The following TENM4 variants were observed in gnomAD, a reference collection of about 807,000 sequenced individuals.
TENM4 encodes teneurin-4.
Under a neutral mutation model 243.3 loss-of-function variants are expected in TENM4, and 82 were observed. The ratio of observed to expected loss-of-function variants is 0.34; its 90% confidence interval spans 0.28 to 0.40. The LOEUF is 0.40. Among genes scored for constraint, TENM4 ranks in the 10% least tolerant of loss-of-function variants. TENM4 has a pLI of 1.00. For synonymous variants in TENM4, 1,412 were observed against 1,456.3 expected, an observed-to-expected ratio of 0.97 and a Z score of 0.69; for missense variants, 3,138 against 3,673.3, an observed-to-expected ratio of 0.85 and a Z score of 3.77.
chr11:79,253,623 C>T (rs1461996189), intron 2 of TENM4, among the ~76,000 whole-genome samples: 1 of 152,186 alleles, frequency 6.6e-6, no homozygotes, highest in Non-Finnish European at 1.5e-5. Flanking sequence ...ACAGCTTCTC[C>T]TCTGAACCGA....
chr11:79,189,525 C>T (rs1863438684), intron 3 of TENM4, among the ~76,000 whole-genome samples: 1 of 152,216 alleles, frequency 6.6e-6, no homozygotes, highest in South Asian at 2.1e-4. Context: ...GCAAATGAAT[C>T]AAACATACCT....
intron 19 of TENM4, among the ~76,000 whole-genome samples, chr11:78,752,948 G>A (rs1375360017): frequency 6.6e-6 from 1 of 152,082 alleles, no homozygotes; most frequent in Non-Finnish European, 1.5e-5. Flanking sequence ...GTTTTTGTGT[G>A]GCAGGTACTA....
At chr11:79,079,930 CA>C (rs1213396183) in intron 4 of TENM4, among the ~76,000 whole-genome samples, 1 of 152,128 alleles carries the variant, frequency 6.6e-6, no homozygotes, top group African/African-American at 2.4e-5. Context: ...AAACCCTCCT[CA>C]GTCCCATCCC....
chr11:78,985,142 G>C (rs1857889359), intron 6 of TENM4, among the ~76,000 whole-genome samples: 1 of 152,190 alleles, frequency 6.6e-6, no homozygotes, highest in African/African-American at 2.4e-5. Flanking sequence ...TACATGCCAA[G>C]TGCTTAAGAC....
chr11:78,978,134 A>G (rs1200776669), intron 6 of TENM4, among the ~76,000 whole-genome samples: 2 of 152,108 alleles, frequency 1.3e-5, no homozygotes, highest in Non-Finnish European at 1.5e-5. Flanking sequence ...ATTCTCACTC[A>G]TAAGTGGGGG....
chr11:79,097,198 A>T (rs958749307), intron 4 of TENM4: 2 of 152,156 alleles, frequency 1.3e-5, no homozygotes, highest in African/African-American at 4.8e-5. Context: ...CAGGTCTAAG[A>T]ACTCTGGTAC....
At chr11:79,423,623 C>T (rs148860904) in intron 1 of TENM4, among the ~76,000 whole-genome samples, 219 of 136,168 alleles carry the variant, frequency 1.6e-3, no homozygotes, top group African/African-American at 5.5e-3. Context: ...ACGGGTCATT[C>T]TTGGCCTGCT....
At chr11:78,848,256 A>G (rs1375233878) in intron 12 of TENM4, among the ~76,000 whole-genome samples, 1 of 151,754 alleles carries the variant, frequency 6.6e-6, no homozygotes, top group Non-Finnish European at 1.5e-5. Context: ...ATAGACCTCT[A>G]GCTCTAATCA....
intron 9 of TENM4, among the ~76,000 whole-genome samples, chr11:78,869,848 C>T (rs1185760955): frequency 6.6e-6 from 1 of 152,188 alleles, no homozygotes; most frequent in Non-Finnish European, 1.5e-5. Flanking sequence ...ATTTCGCTGA[C>T]AGCATAGCTA....
rs549646143 is a variant in TENM4, at chr11:78,693,676, TTTA to T, written c.5088-5453_5088-5451del. Among the ~76,000 whole-genome samples the T allele has an allele frequency of 3.5e-3, 533 of 152,274 alleles. 2 individuals carry two copies. Among genetic ancestry groups the T allele is most frequent in the African/African-American group, 0.012 (512 of 41,548 alleles). ...CTCCCACTGATTTTTCTTCATTCCATTTATCCAAAGCATCTTTGGAGCACAGTG... is the reference window on the plus strand; with the variant it reads ...CTCCCACTGATTTTTCTTCATTCCATTCCAAAGCATCTTTGGAGCACAGTG... On this transcript the variant is annotated intron_variant, in intron 28 of 33. Transcript: ENST00000278550.
chr11:78,952,976 T>C (rs893786099), intron 6 of TENM4, among the ~76,000 whole-genome samples: 2 of 152,166 alleles, frequency 1.3e-5, no homozygotes, highest in Admixed American at 1.3e-4. Context: ...GGTACTGTTG[T>C]TGTTAGCTGG....
At chr11:79,118,795 C>G (rs560512273) in intron 4 of TENM4, among the ~76,000 whole-genome samples, 1 of 152,248 alleles carries the variant, frequency 6.6e-6, no homozygotes, top group Non-Finnish European at 1.5e-5. Flanking sequence ...CTTATTGATC[C>G]ATTCATCTGC....
chr11:78,737,964 A>G (rs184889331), intron 20 of TENM4, among the ~76,000 whole-genome samples: 1 of 152,328 alleles, frequency 6.6e-6, no homozygotes. Flanking sequence ...GAATTATCCT[A>G]GGACACACAG....
At chr11:79,327,915 C>T (rs899121202) in intron 1 of TENM4, among the ~76,000 whole-genome samples, 1 of 152,108 alleles carries the variant, frequency 6.6e-6, no homozygotes, top group African/African-American at 2.4e-5. Flanking sequence ...GTTTCCAGGG[C>T]ACAATTTAGG....
chr11:79,218,237 C>CCCCCCCG (rs200507281), intron 2 of TENM4, among the ~76,000 whole-genome samples: 9 of 118,922 alleles, frequency 7.6e-5, no homozygotes, highest in Non-Finnish European at 1.3e-4. Flanking sequence ...CCTGCCCACC[C>CCCCCCCG]ACCCCCGACA....
Position 78,658,709 on chromosome 11 carries a change from A to G in TENM4, c.7659T>C (p.Ala2553=). 2 of 1,614,022 alleles carry G rather than the reference A, an allele frequency of 1.2e-6. No homozygotes were observed. Among genetic ancestry groups the G allele is most frequent in the African/African-American group, 2.7e-5 (2 of 75,038 alleles). The change falls in exon 34 of 34, where the codon GCT becomes GCC. Residue 2553 remains alanine, a synonymous_variant. Coordinates refer to ENST00000278550, the MANE Select transcript of TENM4 (RefSeq NM_001098816.3). ...YGSTITSCQQ[A]PKTKKFASSG... is the part of the protein sequence containing the mutation. ...TGGATGCAAACTTCTTGGTCTTTGG[A>G]GCCTGCTGGCAGCTGGTGATTGTGG...
rs1019137800 is a variant in TENM4 at position 79,196,123 on chromosome 11, C to G, written c.-163+19685G>C. Among the ~76,000 whole-genome samples the G allele has an allele frequency of 4.6e-5, 7 of 152,252 alleles. No homozygotes were observed. In the East Asian group the frequency reaches 1.4e-3, roughly 29 times the overall value. The stretch of plus-strand genomic sequence containing the variant: ...GCCTCCCACCATGATTCTGAGGCAT[C>G]CCCAGACATGTGGAACTATAAGTCC... On this transcript the variant is annotated intron_variant, in intron 3 of 33. Transcript: ENST00000278550.
chr11:79,335,622 T>A (rs773842731), intron 1 of TENM4, among the ~76,000 whole-genome samples: 2 of 152,156 alleles, frequency 1.3e-5, no homozygotes, highest in Non-Finnish European at 2.9e-5. Flanking sequence ...TGGGAGTGAC[T>A]CTATAAGCAC....
intron 3 of TENM4, among the ~76,000 whole-genome samples, chr11:79,179,254 A>G (rs1863234472): frequency 6.6e-6 from 1 of 152,246 alleles, no homozygotes; most frequent in Non-Finnish European, 1.5e-5. Flanking sequence ...TTTAAAGAGC[A>G]CAGCAAACTC....
Sources: allele counts gnomAD v4.1 joint callset (sites outside exome capture counted in the v4.1 genomes callset), GRCh38; gene constraint gnomAD v4.1.1; transcripts MANE v1.5; gene names NCBI Gene and HGNC (gene_info 2026-07-23, HGNC 2026-07-21).